Variants in LRP1B observed in about 807,000 individuals in gnomAD.
LRP1B encodes low-density lipoprotein receptor-related protein 1B.
A neutral mutation model predicts 556.6 loss-of-function variants in LRP1B; 217 were observed. The observed-to-expected ratio is 0.39, with a 90% CI of 0.35 to 0.44. LRP1B has a LOEUF of 0.44. Ranked by LOEUF, LRP1B falls within the 20% of genes least tolerant of loss-of-function variation. The pLI is 1.00. For synonymous variants in LRP1B, 2,047 were observed against 1,865.8 expected (o/e 1.10, Z -2.50); for missense variants, 5,053 against 5,620.8 (o/e 0.90, Z 3.23).
intron 53 of LRP1B, among the ~76,000 whole-genome samples, chr2:140,503,618 T>C (rs1689287486): frequency 6.6e-6 from 1 of 152,074 alleles, no homozygotes; most frequent in South Asian, 2.1e-4. Flanking sequence ...ACAAAAACTA[T>C]TATAATTATC....
chr2:141,814,179 A>G (rs2105715629), intron 1 of LRP1B, among the ~76,000 whole-genome samples: 1 of 152,304 alleles, frequency 6.6e-6, no homozygotes, highest in South Asian at 2.1e-4. Context: ...ACAAAACGGG[A>G]CAAAGGCACC....
chr2:141,268,921 A>G (rs1684989805), intron 3 of LRP1B, among the ~76,000 whole-genome samples: 1 of 152,156 alleles, frequency 6.6e-6, no homozygotes, highest in Non-Finnish European at 1.5e-5. Context: ...GATCCTTCAT[A>G]GGGCAGTGAT....
intron 3 of LRP1B, among the ~76,000 whole-genome samples, chr2:141,254,943 G>T (rs549068907): frequency 6.6e-6 from 1 of 151,906 alleles, no homozygotes; most frequent in Non-Finnish European, 1.5e-5. Flanking sequence ...TCAACTCAGC[G>T]GTTGATTTTG....
chr2:141,919,181 TGATCTATA>T (rs1700114709), intron 1 of LRP1B, among the ~76,000 whole-genome samples: 1 of 152,130 alleles, frequency 6.6e-6, no homozygotes, highest in South Asian at 2.1e-4. Flanking sequence ...TACATATGTA[TGATCTATA>T]GATACATACA....
intron 32 of LRP1B, among the ~76,000 whole-genome samples, chr2:140,806,872 C>G (rs1043899073): frequency 3.3e-5 from 5 of 152,140 alleles, no homozygotes; most frequent in African/African-American, 1.2e-4. Context: ...GTTTCTGTGA[C>G]AATATTTGTT....
intron 43 of LRP1B, among the ~76,000 whole-genome samples, chr2:140,567,716 C>A (rs1485662849): frequency 2.0e-5 from 3 of 152,144 alleles, no homozygotes; most frequent in African/African-American, 7.2e-5. Context: ...TTGCTTGTCG[C>A]CTATGTCAGA....
At chr2:141,570,501 C>T (rs1017265482) in intron 2 of LRP1B, among the ~76,000 whole-genome samples, 4 of 151,380 alleles carry the variant, frequency 2.6e-5, no homozygotes, top group African/African-American at 9.7e-5. Flanking sequence ...AGCCTCTCAG[C>T]TGGAATCTGC....
chr2:140,983,652 G>C (rs562149128), intron 17 of LRP1B, among the ~76,000 whole-genome samples: 2 of 152,160 alleles, frequency 1.3e-5, no homozygotes, highest in South Asian at 4.1e-4. Flanking sequence ...ATATTTTAAA[G>C]ATTATCCAAG....
At chr2:141,857,567 G>C (rs12617004) in intron 1 of LRP1B, among the ~76,000 whole-genome samples, 28,351 of 151,804 alleles carry the variant, frequency 0.19, 3,166 homozygotes, top group Middle Eastern at 0.32. Flanking sequence ...GAACTCCTGA[G>C]CTCAAGCTAT....
At chr2:140,630,008 G>A (rs865850039) in intron 41 of LRP1B, among the ~76,000 whole-genome samples, 1 of 152,090 alleles carries the variant, frequency 6.6e-6, no homozygotes, top group Non-Finnish European at 1.5e-5. Flanking sequence ...AAGCTGTTTG[G>A]GCCATTCACA....
intron 2 of LRP1B, among the ~76,000 whole-genome samples, chr2:141,539,978 T>C (rs1685197655): frequency 6.6e-6 from 1 of 152,086 alleles, no homozygotes. Flanking sequence ...CCAGACAATG[T>C]ATGTTACTAT....
At chr2:140,841,790 C>T (rs1692112804) in intron 29 of LRP1B, among the ~76,000 whole-genome samples, 1 of 152,046 alleles carries the variant, frequency 6.6e-6, no homozygotes, top group Non-Finnish European at 1.5e-5. Flanking sequence ...TATAATTGCA[C>T]ATTGCAACTT....
At chr2:140,481,639 C>G (rs1211583332) in intron 59 of LRP1B, among the ~76,000 whole-genome samples, 1 of 147,980 alleles carries the variant, frequency 6.8e-6, no homozygotes, top group Non-Finnish European at 1.5e-5. Flanking sequence ...CTCCCAATCC[C>G]AATAGATCTA....
In LRP1B at chr2:141,748,482, G is replaced by A. The variant is rs116855139; in HGVS notation, c.205+61797C>T. Among the ~76,000 whole-genome samples the A allele has an allele frequency of 3.4e-4, 52 of 152,236 alleles. 1 individual carries two copies. In the East Asian group the frequency reaches 9.9e-3, roughly 29 times the overall value. ...AAGTGTAGCTTCTTCCTCTGGGCAA[G>A]CGCTCATTATCAAGTGCCTCTGGGC... is the stretch of plus-strand genomic sequence containing the variant. On this transcript the variant is annotated intron_variant, in intron 2 of 90. Coordinates refer to ENST00000389484, the MANE Select transcript of LRP1B (RefSeq NM_018557.3).
At chr2:141,644,658 C>T (rs1689480800) in intron 2 of LRP1B, among the ~76,000 whole-genome samples, 1 of 151,566 alleles carries the variant, frequency 6.6e-6, no homozygotes, top group East Asian at 1.9e-4. Flanking sequence ...TTTTGCTTTT[C>T]ATAGAAAAGG....
intron 3 of LRP1B, among the ~76,000 whole-genome samples, chr2:141,378,320 T>C (rs75342417): frequency 0.027 from 4,109 of 152,150 alleles, 183 homozygotes; most frequent in African/African-American, 0.093. Flanking sequence ...TTCTCAAATA[T>C]ACTAAAAGAG....
At chr2:140,829,937 T>A (rs1243864620) in intron 31 of LRP1B, among the ~76,000 whole-genome samples, 1 of 151,942 alleles carries the variant, frequency 6.6e-6, no homozygotes, top group Admixed American at 6.5e-5. Flanking sequence ...TAACAGCTGA[T>A]ACCACATAAA....
At chr2:141,603,753 A>C (rs151304362) in intron 2 of LRP1B, among the ~76,000 whole-genome samples, 50 of 152,308 alleles carry the variant, frequency 3.3e-4, no homozygotes, top group African/African-American at 1.2e-3. Flanking sequence ...AAAAAGATAG[A>C]TCTTTCATCA....
intron 2 of LRP1B, among the ~76,000 whole-genome samples, chr2:141,666,259 T>G (rs1690428674): frequency 6.6e-6 from 1 of 152,198 alleles, no homozygotes; most frequent in African/African-American, 2.4e-5. Context: ...GCAACAATGT[T>G]ATCTTGTATC....
Sources: gnomAD v4.1 joint callset for allele counts (sites outside exome capture counted in the v4.1 genomes callset) on GRCh38, gnomAD v4.1.1 for gene constraint, MANE v1.5 for transcripts, NCBI Gene and HGNC (gene_info 2026-07-23, HGNC 2026-07-21) for gene names.